ZNF475: variants seen among roughly 807,000 people sequenced by gnomAD.
ZNF475 encodes the protein zinc finger protein 475.
the ZNF475 span, among the ~76,000 whole-genome samples, chr5:122,168,804 C>T: frequency 6.6e-6 from 1 of 152,212 alleles, no homozygotes; most frequent in Non-Finnish European, 1.5e-5. Context: ...GCATTCAGGA[C>T]TCAACACAAT....
the ZNF475 span, among the ~76,000 whole-genome samples, chr5:122,178,772 G>C: frequency 9.4e-3 from 1,429 of 152,226 alleles, 23 homozygotes; most frequent in African/African-American, 0.033. Context: ...GGCTTTTGTT[G>C]CCATTGCTTT....
At chr5:122,169,632 C>T in the ZNF475 span, among the ~76,000 whole-genome samples, 2 of 152,182 alleles carry the variant, frequency 1.3e-5, no homozygotes, top group South Asian at 4.2e-4. Context: ...TTACTGACAT[C>T]ATATTAGATA....
chr5:122,160,967 A>G, the ZNF475 span, among the ~76,000 whole-genome samples: 1 of 152,218 alleles, frequency 6.6e-6, no homozygotes, highest in Non-Finnish European at 1.5e-5. Context: ...CAACAAAGGC[A>G]GTGCAACGCA....
the ZNF475 span, among the ~76,000 whole-genome samples, chr5:122,167,047 T>C: frequency 6.6e-6 from 1 of 152,264 alleles, no homozygotes; most frequent in Non-Finnish European, 1.5e-5. Context: ...AGAGTTTTTA[T>C]GGTTTTAGGT....
the ZNF475 span, among the ~76,000 whole-genome samples, chr5:122,169,673 G>T: frequency 6.6e-6 from 1 of 151,938 alleles, no homozygotes; most frequent in Non-Finnish European, 1.5e-5. Context: ...GTCAAGAGGC[G>T]GGGGGTGGAG....
the ZNF475 span, among the ~76,000 whole-genome samples, chr5:122,169,127 T>C: frequency 2.4e-4 from 36 of 152,206 alleles, no homozygotes; most frequent in Non-Finnish European, 1.8e-4. Flanking sequence ...ATGGGCATTA[T>C]AGCTTTCATG....
chr5:122,174,809 A>G, the ZNF475 span, among the ~76,000 whole-genome samples: 2 of 152,340 alleles, frequency 1.3e-5, no homozygotes, highest in Non-Finnish European at 2.9e-5. Context: ...TAAATTCACT[A>G]TTTTCAAAAT....
chr5:122,164,527 T>G, the ZNF475 span, among the ~76,000 whole-genome samples: 2 of 152,084 alleles, frequency 1.3e-5, no homozygotes, highest in Non-Finnish European at 2.9e-5. Context: ...AGCCACATGT[T>G]TGTGTGATAG....
chr5:122,166,488 C>T, the ZNF475 span, among the ~76,000 whole-genome samples: 217 of 152,126 alleles, frequency 1.4e-3, 2 homozygotes, highest in Non-Finnish European at 1.2e-3. Context: ...AATGCTATCT[C>T]CCCCTCCCCC....
At chr5:122,169,697 T>C in the ZNF475 span, among the ~76,000 whole-genome samples, 2 of 152,082 alleles carry the variant, frequency 1.3e-5, no homozygotes, top group Non-Finnish European at 2.9e-5. Context: ...GTTGAGAAGA[T>C]GAAAATTATA....
chr5:122,176,051 C>T, the ZNF475 span, among the ~76,000 whole-genome samples: 2 of 152,178 alleles, frequency 1.3e-5, no homozygotes, highest in Non-Finnish European at 2.9e-5. Context: ...ATAGCCTTTA[C>T]TCAGCCCCTC....
At chr5:122,160,878 G>A in the ZNF475 span, among the ~76,000 whole-genome samples, 5 of 152,098 alleles carry the variant, frequency 3.3e-5, no homozygotes, top group Non-Finnish European at 5.9e-5. Flanking sequence ...TATAATGAGC[G>A]AATGGATATA....
chr5:122,180,350 C>A, the ZNF475 span, among the ~76,000 whole-genome samples: 2 of 152,208 alleles, frequency 1.3e-5, no homozygotes, highest in Admixed American at 1.3e-4. Flanking sequence ...GTACTCATAT[C>A]TTTCAATAAC....
At chr5:122,177,399 G>A in the ZNF475 span, among the ~76,000 whole-genome samples, 1 of 152,158 alleles carries the variant, frequency 6.6e-6, no homozygotes, top group Non-Finnish European at 1.5e-5. Context: ...CAAGCCTGGT[G>A]TTATTGAGAA....
At chr5:122,174,576 G>C in the ZNF475 span, among the ~76,000 whole-genome samples, 64 of 152,148 alleles carry the variant, frequency 4.2e-4, no homozygotes, top group Non-Finnish European at 8.4e-4. Flanking sequence ...ATGTAATATA[G>C]AACATCTTCA....
At chr5:122,169,870 C>A in the ZNF475 span, among the ~76,000 whole-genome samples, 1 of 152,064 alleles carries the variant, frequency 6.6e-6, no homozygotes, top group African/African-American at 2.4e-5. Context: ...TTGACTAATG[C>A]GTTCAGGTGT....
At chr5:122,164,524 T>A in the ZNF475 span, among the ~76,000 whole-genome samples, 4 of 152,220 alleles carry the variant, frequency 2.6e-5, no homozygotes, top group South Asian at 2.1e-4. Context: ...AGGAGCCACA[T>A]GTTTGTGTGA....
the ZNF475 span, among the ~76,000 whole-genome samples, chr5:122,181,141 T>C: frequency 6.6e-6 from 1 of 152,308 alleles, no homozygotes. Context: ...TGCACTTCCC[T>C]GCAGTCTTCC....
the ZNF475 span, among the ~76,000 whole-genome samples, chr5:122,174,918 C>T: frequency 1.3e-5 from 2 of 152,146 alleles, no homozygotes; most frequent in African/African-American, 4.8e-5. Flanking sequence ...ATTTAAACAT[C>T]TTGAAAATTT....
Sources: gnomAD v4.1 joint callset for allele counts (sites outside exome capture counted in the v4.1 genomes callset) on GRCh38, gnomAD v4.1.1 for gene constraint, MANE v1.5 for transcripts, NCBI Gene and HGNC (gene_info 2026-07-23, HGNC 2026-07-21) for gene names.